KCNH7: variants seen among roughly 807,000 people sequenced by gnomAD.
The protein encoded by KCNH7 is voltage-gated inwardly rectifying potassium channel KCNH7.
In KCNH7, 49 loss-of-function variants were observed where a neutral mutation model predicts 120.8. The observed-to-expected ratio is 0.41, with a 90% CI of 0.32 to 0.51. The LOEUF (loss-of-function observed/expected upper bound fraction) is 0.51. Ranked by LOEUF, KCNH7 falls within the 20% of genes least tolerant of loss-of-function variation. KCNH7 has a pLI of 0.38. For missense variants in KCNH7, 1,097 were observed against 1,446.6 expected (o/e 0.76, Z 3.92); for synonymous variants, 547 against 516.1 (o/e 1.06, Z -0.81).
chr2:162,727,103 C>T (rs1340703404), intron 2 of KCNH7, among the ~76,000 whole-genome samples: 1 of 152,120 alleles, frequency 6.6e-6, no homozygotes, highest in South Asian at 2.1e-4. Flanking sequence ...AGAGTTTTTA[C>T]TTAAACATAC....
At chr2:162,532,216 C>T (rs1307082570) in intron 3 of KCNH7, among the ~76,000 whole-genome samples, 1 of 151,872 alleles carries the variant, frequency 6.6e-6, no homozygotes, top group Admixed American at 6.6e-5. Context: ...AAGCACACTG[C>T]AACAGAGAGT....
At chr2:162,735,823 G>A (rs1394301235) in intron 2 of KCNH7, among the ~76,000 whole-genome samples, 2 of 152,136 alleles carry the variant, frequency 1.3e-5, no homozygotes, top group African/African-American at 4.8e-5. Flanking sequence ...GCTGTTCTCA[G>A]TGCATTGGCT....
At chr2:162,576,659 T>G (rs1044416130) in intron 2 of KCNH7, among the ~76,000 whole-genome samples, 2 of 37,444 alleles carry the variant, frequency 5.3e-5, no homozygotes, top group Non-Finnish European at 1.1e-4. Flanking sequence ...TTTTTGGGGT[T>G]TTTTTTTCCT....
At chr2:162,412,874 C>A (rs949807829) in intron 9 of KCNH7, among the ~76,000 whole-genome samples, 1 of 152,100 alleles carries the variant, frequency 6.6e-6, no homozygotes, top group African/African-American at 2.4e-5. Flanking sequence ...ATTCCTAAAT[C>A]CTTGAAATTA....
At chr2:162,627,133 A>G (rs747363392) in intron 2 of KCNH7, among the ~76,000 whole-genome samples, 1 of 152,154 alleles carries the variant, frequency 6.6e-6, no homozygotes, top group Non-Finnish European at 1.5e-5. Context: ...ATTTTGCTAG[A>G]GGCATTCAGC....
At chr2:162,645,758 T>C (rs1684336164) in intron 2 of KCNH7, among the ~76,000 whole-genome samples, 1 of 152,174 alleles carries the variant, frequency 6.6e-6, no homozygotes, top group South Asian at 2.1e-4. Context: ...TGTACAACAG[T>C]ATCCATTTCC....
intron 2 of KCNH7, among the ~76,000 whole-genome samples, chr2:162,543,410 A>G (rs982208045): frequency 3.9e-5 from 6 of 152,138 alleles, no homozygotes; most frequent in Admixed American, 2.6e-4. Flanking sequence ...TGACCCTTTC[A>G]GAATTTCCAA....
At chr2:162,607,813 C>A (rs1448311668) in intron 2 of KCNH7, among the ~76,000 whole-genome samples, 2 of 151,844 alleles carry the variant, frequency 1.3e-5, no homozygotes, top group Admixed American at 6.6e-5. Context: ...TTTTATATAT[C>A]TTTACATAAA....
intron 6 of KCNH7, among the ~76,000 whole-genome samples, chr2:162,477,733 A>T (rs559966445): frequency 6.6e-6 from 1 of 152,146 alleles, no homozygotes; most frequent in Non-Finnish European, 1.5e-5. Flanking sequence ...TTGATTTAGG[A>T]GGGGATGTGG....
At chr2:162,645,629 G>C (rs1684330834) in intron 2 of KCNH7, among the ~76,000 whole-genome samples, 1 of 152,084 alleles carries the variant, frequency 6.6e-6, no homozygotes, top group Non-Finnish European at 1.5e-5. Context: ...ACTTTATCTA[G>C]ACTTTTTTAG....
intron 2 of KCNH7, among the ~76,000 whole-genome samples, chr2:162,658,784 T>C (rs1300975916): frequency 2.0e-5 from 3 of 152,166 alleles, no homozygotes; most frequent in Non-Finnish European, 4.4e-5. Flanking sequence ...TTATTCTTGG[T>C]ACATAGGAAA....
At chr2:162,830,284 GA>G (rs757750570) in intron 2 of KCNH7, among the ~76,000 whole-genome samples, 1 of 152,204 alleles carries the variant, frequency 6.6e-6, no homozygotes, top group East Asian at 1.9e-4. Flanking sequence ...CTCAGTAGAA[GA>G]AAAATATGTT....
chr2:162,384,981 C>A, intron 12 of KCNH7, 42 bp from the exon 13 acceptor site: 1 of 1,517,936 alleles, frequency 6.6e-7, no homozygotes, highest in Middle Eastern at 2.0e-4. Flanking sequence ...TTATAGCAGA[C>A]AATTAAATGT....
At chr2:162,517,226 A>AT (rs909836870) in intron 4 of KCNH7, among the ~76,000 whole-genome samples, 1 of 151,552 alleles carries the variant, frequency 6.6e-6, no homozygotes, top group Non-Finnish European at 1.5e-5. Context: ...TTCCCTTTAA[A>AT]TTTTTCCCCT....
At chr2:162,636,062 G>T (rs1027702095) in intron 2 of KCNH7, among the ~76,000 whole-genome samples, 1 of 151,934 alleles carries the variant, frequency 6.6e-6, no homozygotes, top group Non-Finnish European at 1.5e-5. Context: ...TTGGTTTCAG[G>T]TATTTTAGTA....
chr2:162,798,582 A>C (rs74455528), intron 2 of KCNH7, among the ~76,000 whole-genome samples: 2,865 of 152,150 alleles, frequency 0.019, 42 homozygotes, highest in Non-Finnish European at 0.03. Flanking sequence ...TTATTGGTGA[A>C]ATTTTGGCTC....
chr2:162,830,070 G>C (rs888500307), intron 2 of KCNH7, among the ~76,000 whole-genome samples: 6 of 152,120 alleles, frequency 3.9e-5, no homozygotes, highest in African/African-American at 1.4e-4. Flanking sequence ...CTACCCTGGA[G>C]CCTAGAACCA....
chr2:162,518,171 A>G lies in KCNH7; in HGVS notation c.464-13T>C. 1 of 1,590,820 alleles carries G rather than the reference A, an allele frequency of 6.3e-7. No individual in the cohort carries two copies. Among genetic ancestry groups the G allele is most frequent in the Non-Finnish European group, 8.6e-7 (1 of 1,163,854 alleles). On this transcript the variant is annotated splice_polypyrimidine_tract_variant and intron_variant, in intron 3 of 15. Transcript: ENST00000332142. ...CCAAAAAATTTCCCTATAAATGGAG[A>G]CAGGAGAGAGCATTATTATAAGGCA...
At chr2:162,793,916 C>G (rs548120658) in intron 2 of KCNH7, among the ~76,000 whole-genome samples, 142 of 151,902 alleles carry the variant, frequency 9.3e-4, no homozygotes, top group Non-Finnish European at 1.8e-3. Context: ...TTGAAATTTG[C>G]TAAGAGAATA....
Sources: allele counts gnomAD v4.1 joint callset (sites outside exome capture counted in the v4.1 genomes callset), GRCh38; gene constraint gnomAD v4.1.1; transcripts MANE v1.5; gene names NCBI Gene and HGNC (gene_info 2026-07-23, HGNC 2026-07-21).